GREB1L: variants seen among roughly 807,000 people sequenced by gnomAD.
The protein encoded by GREB1L is GREB1 like retinoic acid receptor coactivator, also known as GREB1-like protein.
A neutral mutation model predicts 200.8 loss-of-function variants in GREB1L; 17 were observed. The ratio of observed to expected loss-of-function variants is 0.08; its 90% CI spans 0.06 to 0.13. The LOEUF (loss-of-function observed/expected upper bound fraction) is 0.13, where lower values mean the gene tolerates loss of function less well. Ranked by LOEUF, GREB1L falls within the 10% of genes least tolerant of loss-of-function variation. The probability of loss-of-function intolerance (pLI) is 1.00; values close to 1 mark genes in which losing one functional copy is unlikely to be tolerated. For synonymous variants in GREB1L, 789 were observed against 893.0 expected (o/e 0.88, Z 2.08); for missense variants, 1,657 against 2,367.7 (o/e 0.70, Z 6.23).
intron 27 of GREB1L, among the ~76,000 whole-genome samples, chr18:21,510,335 ACT>A (rs563316953): frequency 3.9e-5 from 6 of 152,232 alleles, no homozygotes; most frequent in African/African-American, 1.4e-4. Context: ...TGAAACAGAA[ACT>A]CTATACCCAT....
chr18:21,512,285 T>C (rs1268784477), intron 27 of GREB1L, among the ~76,000 whole-genome samples: 1 of 152,234 alleles, frequency 6.6e-6, no homozygotes, highest in African/African-American at 2.4e-5. Flanking sequence ...GTAGCACTGA[T>C]ATCTAATATC....
In GREB1L at chr18:21,513,972, T is replaced by G. The variant is rs200954717; in HGVS notation, c.4887T>G (p.Val1629=). ...DSCVLWNIHS[V]QEPSSQPMEV... Reference sequence around the variant, plus strand: ...GTGTCCTATGGAACATTCACAGTGTTCAGGAGCCATCCAGGTAGACTTCCA... The same window carrying G: ...GTGTCCTATGGAACATTCACAGTGTGCAGGAGCCATCCAGGTAGACTTCCA... The change falls in exon 28 of 33, where the codon GTT becomes GTG. Residue 1629 remains valine (V), a synonymous_variant. Coordinates refer to ENST00000424526, the MANE Select transcript of GREB1L (RefSeq NM_001142966.3). 18 of 1,551,472 alleles carry G rather than the reference T, an allele frequency of 1.2e-5. No homozygotes were observed. In the Admixed American group the frequency reaches 3.5e-4, roughly 30 times the overall value.
At chr18:21,512,451 T>C (rs920635116) in intron 27 of GREB1L, among the ~76,000 whole-genome samples, 6 of 152,216 alleles carry the variant, frequency 3.9e-5, no homozygotes, top group African/African-American at 1.4e-4. Context: ...AATGGAACTC[T>C]TGATTTCCTT....
At chr18:21,314,184 G>C (rs2038833620) in intron 1 of GREB1L, among the ~76,000 whole-genome samples, 1 of 152,148 alleles carries the variant, frequency 6.6e-6, no homozygotes, top group South Asian at 2.1e-4. Context: ...AAGTATTGTG[G>C]TTCAAACTCC....
At chr18:21,447,515 A>G (rs1203799364) in intron 11 of GREB1L, among the ~76,000 whole-genome samples, 1 of 152,212 alleles carries the variant, frequency 6.6e-6, no homozygotes, top group Non-Finnish European at 1.5e-5. Flanking sequence ...TTATTTTCCC[A>G]GAATGCCTTT....
chr18:21,416,010 T>A (rs867707593), intron 7 of GREB1L, among the ~76,000 whole-genome samples: 2 of 152,036 alleles, frequency 1.3e-5, no homozygotes, highest in Non-Finnish European at 2.9e-5. Flanking sequence ...AGGAGATTAA[T>A]CAATCAAAAC....
rs529717010 is a variant in GREB1L at position 21,286,347 on chromosome 18, A to G, written c.-120+43954A>G. 3.3e-5 allele frequency among the ~76,000 whole-genome samples: 5 copies of G among 152,300 alleles called. No homozygotes were observed. The East Asian group carries it at 7.7e-4, about 24-fold the overall frequency. On this transcript the variant is annotated intron_variant, in intron 1 of 32. Transcript: ENST00000424526. ...AAGAGATGAGGCCAAAAATTTAGCTATTCTTCATTCTGTAGGGTAAAAAGA... is the reference window on the plus strand; with the variant it reads ...AAGAGATGAGGCCAAAAATTTAGCTGTTCTTCATTCTGTAGGGTAAAAAGA...
intron 7 of GREB1L, among the ~76,000 whole-genome samples, chr18:21,415,916 C>T (rs1481118543): frequency 6.6e-6 from 1 of 152,090 alleles, no homozygotes; most frequent in Non-Finnish European, 1.5e-5. Context: ...ACACTCAGCA[C>T]CCAACTAGAT....
intron 1 of GREB1L, among the ~76,000 whole-genome samples, chr18:21,271,465 A>C (rs1416452578): frequency 2.0e-5 from 3 of 151,644 alleles, no homozygotes; most frequent in Admixed American, 2.0e-4. Context: ...TAGGCAATAC[A>C]GTGAGACTCT....
chr18:21,450,376 T>G (rs1158691710), intron 12 of GREB1L, among the ~76,000 whole-genome samples: 3 of 152,166 alleles, frequency 2.0e-5, no homozygotes, highest in Admixed American at 2.0e-4. Flanking sequence ...TGGGTAGCCA[T>G]TTGGACTACA....
At chr18:21,249,808 T>C (rs1232579399) in intron 1 of GREB1L, among the ~76,000 whole-genome samples, 3 of 150,740 alleles carry the variant, frequency 2.0e-5, no homozygotes, top group Non-Finnish European at 1.5e-5. Flanking sequence ...TGCGGTGAGC[T>C]GAGATTGCGC....
At chr18:21,300,144 G>C (rs1163695969) in intron 1 of GREB1L, among the ~76,000 whole-genome samples, 1 of 152,148 alleles carries the variant, frequency 6.6e-6, no homozygotes, top group African/African-American at 2.4e-5. Context: ...GCCTACGGAG[G>C]TCATAAAAAT....
chr18:21,450,906 T>G, intron 12 of GREB1L, 117 bp from the exon 13 acceptor site: 1 of 959,596 alleles, frequency 1.0e-6, no homozygotes, highest in Non-Finnish European at 1.5e-6. Context: ...ATAATTTTCT[T>G]AACCCAAGTC....
At chr18:21,308,320 C>T (rs753694882) in intron 1 of GREB1L, among the ~76,000 whole-genome samples, 4 of 152,194 alleles carry the variant, frequency 2.6e-5, no homozygotes, top group Non-Finnish European at 4.4e-5. Context: ...AGATACAAAG[C>T]TGAACACTAT....
intron 1 of GREB1L, among the ~76,000 whole-genome samples, chr18:21,281,716 A>C (rs538321507): frequency 6.6e-6 from 1 of 152,332 alleles, no homozygotes; most frequent in Admixed American, 6.5e-5. Flanking sequence ...AGATACAATT[A>C]TTAGAGATAG....
intron 15 of GREB1L, among the ~76,000 whole-genome samples, chr18:21,468,505 A>G (rs1468643482): frequency 9.9e-5 from 15 of 152,240 alleles, no homozygotes; most frequent in Non-Finnish European, 7.3e-5. Context: ...ATTGAATTAT[A>G]CATTATAAAT....
chr18:21,469,860 TTATTAACAAAGAAATTCTTAATTTCCA>T (rs2035410920), intron 15 of GREB1L, among the ~76,000 whole-genome samples: 1 of 152,234 alleles, frequency 6.6e-6, no homozygotes, highest in South Asian at 2.1e-4. Context: ...AACCACTGTC[TTATTAACAAAGAAATTCTTAATTTCCA>T]GTGAGACAAA....
chr18:21,509,725 G>A (rs1441258307), intron 27 of GREB1L, among the ~76,000 whole-genome samples: 1 of 151,888 alleles, frequency 6.6e-6, no homozygotes, highest in Non-Finnish European at 1.5e-5. Flanking sequence ...TTTTCTATAT[G>A]AATATGACCT....
At chr18:21,302,916 T>C (rs928500435) in intron 1 of GREB1L, among the ~76,000 whole-genome samples, 1 of 151,886 alleles carries the variant, frequency 6.6e-6, no homozygotes, top group African/African-American at 2.4e-5. Context: ...AGAGACGGGG[T>C]TTCACCATGT....
Sources: gnomAD v4.1 joint callset for allele counts (sites outside exome capture counted in the v4.1 genomes callset) on GRCh38, gnomAD v4.1.1 for gene constraint, MANE v1.5 for transcripts, NCBI Gene and HGNC (gene_info 2026-07-23, HGNC 2026-07-21) for gene names.